MYT1: variants seen among roughly 807,000 people sequenced by gnomAD.
MYT1 encodes the protein myelin transcription factor 1.
A neutral mutation model predicts 123.0 loss-of-function variants in MYT1; 23 were observed. The ratio of observed to expected loss-of-function variants is 0.19; its 90% CI spans 0.13 to 0.26. MYT1 has a LOEUF of 0.26. Among genes scored for constraint, MYT1 ranks in the 10% least tolerant of loss-of-function variants. The pLI is 1.00. For synonymous variants in MYT1, 518 were observed against 575.3 expected (o/e 0.90, Z 1.43); for missense variants, 1,125 against 1,472.5 (o/e 0.76, Z 3.86).
intron 16 of MYT1, among the ~76,000 whole-genome samples, chr20:64,223,965 C>A (rs935615592): frequency 1.3e-5 from 2 of 152,210 alleles, no homozygotes; most frequent in African/African-American, 4.8e-5. Context: ...GCAGGGCAGG[C>A]CCTGCAGGCA....
Position 64,227,436 on chromosome 20 carries a change from C to T in MYT1, c.2550C>T (p.Asp850=), listed in dbSNP as rs767850867. 4.5e-5 allele frequency: 72 copies of T among 1,612,608 alleles called. No individual in the cohort carries two copies. The highest frequency in any genetic ancestry group is 5.1e-5 in the Non-Finnish European group (60 of 1,179,824). ...ADLKCPTPGC[D]GSGHITGNYA... is the part of the protein sequence containing the mutation. The stretch of plus-strand genomic sequence containing the variant: ...GCAGGTGCCCCACGCCCGGCTGTGA[C>T]GGCTCTGGCCACATCACAGGGAACT... The change falls in exon 17 of 23, where the codon GAC becomes GAT. Residue 850 remains aspartate, a synonymous_variant. Transcript: ENST00000328439.
intron 1 of MYT1, among the ~76,000 whole-genome samples, chr20:64,176,874 G>A (rs1416718290): frequency 6.6e-6 from 1 of 152,240 alleles, no homozygotes; most frequent in Non-Finnish European, 1.5e-5. Context: ...CAGGCCGCCT[G>A]GAGAGCCCGT....
chr20:64,223,242 C>T, intron 15 of MYT1, 49 bp from the exon 16 acceptor site: 1 of 1,613,526 alleles, frequency 6.2e-7, no homozygotes, highest in Non-Finnish European at 8.5e-7. Flanking sequence ...TCCTCCTCCT[C>T]TGCTCTCCCT....
In MYT1 at chr20:64,213,751, G is replaced by A; in HGVS notation, c.1631+104G>A. The A allele has an allele frequency of 2.1e-6, 2 of 932,950 alleles. No individual in the cohort carries two copies. The highest frequency in any genetic ancestry group is 2.0e-5 in the Admixed American group (1 of 49,946). 57.8% of individuals were successfully genotyped at this position (932,950 alleles called of 1,614,324 possible). On this transcript the variant is annotated intron_variant, in intron 10 of 22. Transcript: ENST00000328439. The surrounding 1 kb of genome is among the most constrained non-coding windows in gnomAD (Gnocchi z 5.6). ...TATGTGCATGTGTGTGAGTGCATGT[G>A]TGTGAGTGTACGTGCATGTGAGTGT...
chr20:64,213,456 C>A lies in MYT1; in HGVS notation c.1518-78C>A. The A allele has an allele frequency of 9.0e-7, 1 of 1,116,540 alleles. No homozygotes were observed. Among genetic ancestry groups the A allele is most frequent in the South Asian group, 1.3e-5 (1 of 76,662 alleles). 69.2% of individuals were successfully genotyped at this position (1,116,540 alleles called of 1,614,324 possible). ...ACATCTGAATGACCTTGCCGTGAGA[C>A]ACCCACACACACAGACACCCAGGAC... On this transcript the variant is annotated intron_variant, in intron 9 of 22. Transcript: ENST00000328439. The surrounding 1 kb of genome is among the most constrained non-coding windows in gnomAD (Gnocchi z 5.6).
chr20:64,210,963 C>T (rs1006065953), intron 7 of MYT1, among the ~76,000 whole-genome samples: 71 of 152,332 alleles, frequency 4.7e-4, no homozygotes, highest in African/African-American at 1.7e-3. Flanking sequence ...CTCCTTAAAA[C>T]GCTGCACAAA....
chr20:64,239,713 G>A, intron 21 of MYT1, 47 bp from the exon 22 acceptor site: 1 of 1,610,514 alleles, frequency 6.2e-7, no homozygotes, highest in Non-Finnish European at 8.5e-7. Context: ...CCCCCAGGAG[G>A]ATGGGGGCCA....
chr20:64,198,766 G>T (rs933038383), intron 2 of MYT1, 96 bp from the exon 3 acceptor site: 9 of 1,384,214 alleles, frequency 6.5e-6, no homozygotes, highest in African/African-American at 4.3e-5. Flanking sequence ...TGCTGTCAAA[G>T]CTTGAGCCAG....
chr20:64,241,240 A>T lies in MYT1; in HGVS notation c.*792A>T, dbSNP rs1357367084. The stretch of plus-strand genomic sequence containing the variant: ...GTGCATCCACCCAGGCCCCCGACCC[A>T]TCACTGCCACATTCTCCGGGTCATG... On this transcript the variant is annotated 3_prime_UTR_variant, in exon 23 of 23. Transcript: ENST00000328439. This position sits in a 1 kb window ranked among gnomAD's most constrained non-coding sequence, Gnocchi z 4.2. 1 of 152,154 alleles carries T rather than the reference A, an allele frequency of 6.6e-6. No individual in the cohort carries two copies. Among genetic ancestry groups the T allele is most frequent in the Non-Finnish European group, 1.5e-5 (1 of 68,046 alleles). 9.4% of individuals were successfully genotyped at this position (152,154 alleles called of 1,614,324 possible).
In MYT1 at chr20:64,166,867, G is replaced by A. The variant is rs775490499; in HGVS notation, c.-99+2128G>A. On this transcript the variant is annotated intron_variant, in intron 1 of 22. Coordinates refer to ENST00000328439, the MANE Select transcript of MYT1 (RefSeq NM_004535.3). The surrounding 1 kb of genome is among the most constrained non-coding windows in gnomAD (Gnocchi z 4.9). ...AGGGAGAGGCTGGCAGAGGGTATGC[G>A]GCCACGGGGGTGCATGCTGGGCAGC... is the stretch of plus-strand genomic sequence containing the variant. Among the ~76,000 whole-genome samples, 12 of 152,170 alleles carry A rather than the reference G, an allele frequency of 7.9e-5. No homozygotes were observed. Among genetic ancestry groups the A allele is most frequent in the South Asian group, 2.1e-4 (1 of 4,824 alleles).
At chr20:64,194,859 C>T (rs890295383) in intron 2 of MYT1, among the ~76,000 whole-genome samples, 3 of 152,136 alleles carry the variant, frequency 2.0e-5, no homozygotes, top group African/African-American at 4.8e-5. Flanking sequence ...AGGTTAGACA[C>T]GAGTGGTTTG....
chr20:64,216,601 G>A (rs374134318), intron 10 of MYT1, among the ~76,000 whole-genome samples: 19 of 152,226 alleles, frequency 1.2e-4, no homozygotes, highest in South Asian at 2.1e-4. Flanking sequence ...TACAACTAGC[G>A]TCTCCTGTAG....
At chr20:64,223,046 C>G (rs1014016182) in intron 14 of MYT1, 65 bp from the exon 15 acceptor site, 2 of 1,587,558 alleles carry the variant, frequency 1.3e-6, no homozygotes, top group Non-Finnish European at 1.7e-6. Flanking sequence ...CCTCGCAGAG[C>G]AGGCTCAGCC....
At position 64,192,377 on chromosome 20, in the gene MYT1, G is replaced by C. The variant is rs559610653; in HGVS notation, c.-1+2217G>C. ...TGCAAGTAGAATCTCCTGACTAAGAGGCTGAGGAGGGTGGCAGCAGAGGGC... is the reference window on the plus strand; with the variant it reads ...TGCAAGTAGAATCTCCTGACTAAGACGCTGAGGAGGGTGGCAGCAGAGGGC... On this transcript the variant is annotated intron_variant, in intron 2 of 22. Transcript: ENST00000328439. This position sits in a 1 kb window ranked among gnomAD's most constrained non-coding sequence, Gnocchi z 5.3. 7.3e-4 allele frequency among the ~76,000 whole-genome samples: 111 copies of C among 152,354 alleles called. No homozygotes were observed. The highest frequency in any genetic ancestry group is 2.4e-3 in the African/African-American group (100 of 41,582).
Position 64,219,039 on chromosome 20 carries a change from A to G in MYT1, c.1971+4A>G. On this transcript the variant is annotated splice_donor_region_variant and intron_variant, in intron 12 of 22. Transcript: ENST00000328439. Reference sequence around the variant, plus strand: ...GCCACAGGACCTCCCCAGCAAGGTTAGTACATCTGCCACAGAGCCTTTCTT... The same window carrying G: ...GCCACAGGACCTCCCCAGCAAGGTTGGTACATCTGCCACAGAGCCTTTCTT... 1 of 1,610,134 alleles carries G rather than the reference A, an allele frequency of 6.2e-7. No homozygotes were observed.
At chr20:64,207,451 C>A in intron 6 of MYT1, 143 bp from the exon 7 acceptor site, 1 of 1,439,892 alleles carries the variant, frequency 6.9e-7, no homozygotes, top group Non-Finnish European at 9.3e-7. Flanking sequence ...ATCCCCACTT[C>A]TGGAGTTTCA....
rs752578603 is a variant in MYT1 at position 64,203,796 on chromosome 20, G to C, written c.87-1239G>C. ...GCCTGTGATCAGTCGAATTAGAAAC[G>C]ATCAGAGGTGTCTGGATAGAGACTG... On this transcript the variant is annotated intron_variant, in intron 4 of 22. Transcript: ENST00000328439. The surrounding 1 kb of genome is among the most constrained non-coding windows in gnomAD (Gnocchi z 5.1). Among the ~76,000 whole-genome samples the C allele has an allele frequency of 7.2e-5, 11 of 152,248 alleles. No homozygotes were observed. The highest frequency in any genetic ancestry group is 8.8e-5 in the Non-Finnish European group (6 of 68,050).
At position 64,191,890 on chromosome 20, in the gene MYT1, G is replaced by A. The variant is rs951402623; in HGVS notation, c.-1+1730G>A. ...TAAAATATTATTTATCTTGATCATT[G>A]AGTTTTTGGCCTCATTCCCCTCACC... On this transcript the variant is annotated intron_variant, in intron 2 of 22. Transcript: ENST00000328439. This position sits in a 1 kb window ranked among gnomAD's most constrained non-coding sequence, Gnocchi z 4.1. The A allele has an allele frequency of 6.6e-6, 1 of 152,136 alleles. No individual in the cohort carries two copies. The highest frequency in any genetic ancestry group is 1.5e-5 in the Non-Finnish European group (1 of 68,022). 9.4% of individuals were successfully genotyped at this position (152,136 alleles called of 1,614,324 possible).
At chr20:64,240,015 C>T in intron 22 of MYT1, 112 bp downstream of exon 22, 1 of 1,464,114 alleles carries the variant, frequency 6.8e-7, no homozygotes, top group Non-Finnish European at 9.2e-7. Flanking sequence ...GCCCTAGGGG[C>T]CCTGTGCCCT....
Sources: gnomAD v4.1 joint callset for allele counts (sites outside exome capture counted in the v4.1 genomes callset) on GRCh38, gnomAD v4.1.1 for gene constraint, Gnocchi (gnomAD v3.1) non-coding constraint, MANE v1.5 for transcripts, NCBI Gene and HGNC (gene_info 2026-07-23, HGNC 2026-07-21) for gene names.